The following KMT2E variants were observed in gnomAD, a reference collection of about 807,000 sequenced individuals.
The protein encoded by KMT2E is lysine methyltransferase 2E (inactive).
A neutral mutation model predicts 184.6 loss-of-function variants in KMT2E; 30 were observed. The ratio of observed to expected loss-of-function variants is 0.16; its 90% CI spans 0.12 to 0.22. The LOEUF is 0.22. Among genes scored for constraint, KMT2E ranks in the 10% least tolerant of loss-of-function variants. The pLI, the probability that KMT2E is intolerant of heterozygous loss-of-function variation, is 1.00. For synonymous variants in KMT2E, 815 were observed against 776.5 expected (o/e 1.05, Z -0.82); for missense variants, 2,023 against 2,237.4 (o/e 0.90, Z 1.93).
chr7:105,090,247 C>T lies in KMT2E; in HGVS notation c.1597C>T (p.Leu533=). Residue 533 remains leucine, a synonymous_variant, in exon 14 of 27, where the codon CTG becomes TTG. Coordinates refer to ENST00000311117, the MANE Select transcript of KMT2E (RefSeq NM_182931.3). ...AACTAAACAAAGAAAGCTTTCTCCACTGAGACTATCAGTATCAAATAATCA... is the reference window on the plus strand; with the variant it reads ...AACTAAACAAAGAAAGCTTTCTCCATTGAGACTATCAGTATCAAATAATCA... ...PETKQRKLSP[L]RLSVSNNQEP... The T allele has an allele frequency of 5.6e-6, 9 of 1,600,382 alleles. No individual in the cohort carries two copies. The highest frequency in any genetic ancestry group is 7.6e-6 in the Non-Finnish European group (9 of 1,176,550).
Position 105,105,856 on chromosome 7 carries a change from C to T in KMT2E, c.2452-3C>T. 1 of 1,609,822 alleles carries T rather than the reference C, an allele frequency of 6.2e-7. No individual in the cohort carries two copies. Among genetic ancestry groups the T allele is most frequent in the African/African-American group, 1.3e-5 (1 of 74,614 alleles). ...GTTCATTCATGTATTCTGTTTTATT[C>T]AGCGATGGTTGAAACAAGCTCTGGA... On this transcript the variant is annotated splice_polypyrimidine_tract_variant and splice_region_variant and intron_variant, in intron 18 of 26. Coordinates refer to ENST00000311117, the MANE Select transcript of KMT2E (RefSeq NM_182931.3).
At chr7:105,043,427 G>T (rs1035966492) in intron 3 of KMT2E, among the ~76,000 whole-genome samples, 2 of 151,218 alleles carry the variant, frequency 1.3e-5, no homozygotes, top group East Asian at 1.9e-4. Context: ...TAGTAGAGAC[G>T]GGGTTTCACC....
At chr7:105,052,780 A>T (rs533577186) in intron 3 of KMT2E, among the ~76,000 whole-genome samples, 1 of 151,426 alleles carries the variant, frequency 6.6e-6, no homozygotes, top group African/African-American at 2.4e-5. Context: ...GGGTTTCACT[A>T]TGTTCGCCAG....
intron 2 of KMT2E, among the ~76,000 whole-genome samples, chr7:105,040,144 C>G (rs1584713465): frequency 1.3e-5 from 2 of 152,092 alleles, no homozygotes; most frequent in African/African-American, 4.8e-5. Context: ...AACTACTGTA[C>G]AGTAATCAAA....
At chr7:105,058,683 A>G (rs147812286) in intron 3 of KMT2E, among the ~76,000 whole-genome samples, 47 of 152,314 alleles carry the variant, frequency 3.1e-4, no homozygotes, top group Non-Finnish European at 6.3e-4. Flanking sequence ...CTTCATCTAC[A>G]AATTATGGTG....
chr7:105,059,578 A>C (rs566976322), intron 3 of KMT2E, among the ~76,000 whole-genome samples: 11 of 152,364 alleles, frequency 7.2e-5, no homozygotes, highest in South Asian at 2.1e-4. Context: ...TGACAAATAG[A>C]AATAATGTCA....
chr7:105,065,949 A>ATGT (rs1369483777), intron 5 of KMT2E, among the ~76,000 whole-genome samples: 2 of 152,198 alleles, frequency 1.3e-5, no homozygotes, highest in Admixed American at 1.3e-4. Context: ...AAACTGGTCC[A>ATGT]TGTATTCTAT....
intron 3 of KMT2E, among the ~76,000 whole-genome samples, chr7:105,051,423 G>A (rs1796342461): frequency 6.6e-6 from 1 of 151,820 alleles, no homozygotes; most frequent in Admixed American, 6.6e-5. Flanking sequence ...GACCTCAGGT[G>A]ATACGCCCGC....
At chr7:105,068,795 C>T (rs544300244) in intron 6 of KMT2E, among the ~76,000 whole-genome samples, 2 of 151,904 alleles carry the variant, frequency 1.3e-5, no homozygotes, top group African/African-American at 2.4e-5. Flanking sequence ...GTTAACTATT[C>T]GGTTCTCTTA....
At chr7:105,037,606 G>T (rs1293516703) in intron 1 of KMT2E, among the ~76,000 whole-genome samples, 1 of 152,048 alleles carries the variant, frequency 6.6e-6, no homozygotes, top group East Asian at 1.9e-4. Flanking sequence ...CAAGTAGTCT[G>T]CCTGCCTCAG....
intron 26 of KMT2E, 102 bp downstream of exon 26, chr7:105,110,970 A>G: frequency 1.3e-6 from 1 of 782,304 alleles, no homozygotes; most frequent in Non-Finnish European, 2.2e-6. Context: ...ATCAAGTATC[A>G]ACTTGTGACT....
At chr7:105,108,801 G>C in intron 22 of KMT2E, 141 bp from the exon 23 acceptor site, 1 of 707,704 alleles carries the variant, frequency 1.4e-6, no homozygotes, top group Non-Finnish European at 2.3e-6. Flanking sequence ...TTTGGTAATT[G>C]TTAATTATTT....
Position 105,110,529 on chromosome 7 carries a change from T to G in KMT2E, c.3897T>G (p.Pro1299=). The G allele has an allele frequency of 6.2e-7, 1 of 1,614,152 alleles. No homozygotes were observed. Among genetic ancestry groups the G allele is most frequent in the South Asian group, 1.1e-5 (1 of 91,082 alleles). The change falls in exon 25 of 27, where the codon CCT becomes CCG. Residue 1299 remains proline, a synonymous_variant. Coordinates refer to ENST00000311117, the MANE Select transcript of KMT2E (RefSeq NM_182931.3). ...SCSPSHVQSS[P]SSHSNHIPQL... ...CACCGAGTCATGTTCAGTCTTCACC[T>G]TCATCTCATTCAAATCACATACCCC...
intron 6 of KMT2E, among the ~76,000 whole-genome samples, chr7:105,068,016 A>G (rs73715208): frequency 0.034 from 5,152 of 152,216 alleles, 300 homozygotes; most frequent in African/African-American, 0.12. Context: ...ATGGAACAAA[A>G]TCTCTGGCTC....
At chr7:105,027,362 G>A (rs1352827451) in intron 1 of KMT2E, among the ~76,000 whole-genome samples, 1 of 152,130 alleles carries the variant, frequency 6.6e-6, no homozygotes, top group Non-Finnish European at 1.5e-5. Flanking sequence ...GAAGCTGGAA[G>A]GTGAAAGTGA....
chr7:105,020,154 G>C (rs1266512543), intron 1 of KMT2E, among the ~76,000 whole-genome samples: 1 of 151,240 alleles, frequency 6.6e-6, no homozygotes, highest in Non-Finnish European at 1.5e-5. Flanking sequence ...AAAAATTCTT[G>C]GTCCTGAATT....
chr7:105,018,815 G>A (rs1199968054), intron 1 of KMT2E, among the ~76,000 whole-genome samples: 2 of 151,866 alleles, frequency 1.3e-5, no homozygotes, highest in African/African-American at 4.8e-5. Flanking sequence ...ATAATTTTTT[G>A]TATTACCTAC....
Position 105,112,419 on chromosome 7 carries a change from TCTTA to T in KMT2E, c.4666_4669del (p.Tyr1556IlefsTer48). ...TCCACCTCCTCCACCTCCTTCTTCGTCTTACTATCAAAACCAGCAGCCCTCTGCA... is the reference window on the plus strand; with the variant it reads ...TCCACCTCCTCCACCTCCTTCTTCGTCTATCAAAACCAGCAGCCCTCTGCA... On this transcript the variant is annotated frameshift_variant, in exon 27 of 27. Transcript: ENST00000311117. LOFTEE classifies it high-confidence loss of function. 2 of 1,611,510 alleles carry T rather than the reference TCTTA, an allele frequency of 1.2e-6. No individual in the cohort carries two copies. The highest frequency in any genetic ancestry group is 1.7e-6 in the Non-Finnish European group (2 of 1,179,084).
intron 9 of KMT2E, 77 bp from the exon 10 acceptor site, chr7:105,076,886 G>A: frequency 2.0e-6 from 1 of 496,890 alleles, no homozygotes; most frequent in Non-Finnish European, 3.7e-6. Flanking sequence ...GTGTGTGTGT[G>A]TGTGTGTGTG....
Sources: gnomAD v4.1 joint callset for allele counts (sites outside exome capture counted in the v4.1 genomes callset) on GRCh38, gnomAD v4.1.1 for gene constraint, MANE v1.5 for transcripts, NCBI Gene and HGNC (gene_info 2026-07-23, HGNC 2026-07-21) for gene names.